GRAMD1B: variants seen among roughly 807,000 people sequenced by gnomAD.
GRAMD1B encodes the protein GRAM domain containing 1B.
In GRAMD1B, 37 loss-of-function variants were observed where a neutral mutation model predicts 99.7. That is an observed-to-expected ratio of 0.37 (90% CI 0.29 to 0.49). GRAMD1B has a LOEUF of 0.49. Ranked by LOEUF, GRAMD1B falls within the 20% of genes least tolerant of loss-of-function variation. GRAMD1B has a pLI of 0.98. For missense variants in GRAMD1B, 888 were observed against 1,009.2 expected, an observed-to-expected ratio of 0.88 and a Z score of 1.63; for synonymous variants, 427 against 387.6, an observed-to-expected ratio of 1.10 and a Z score of -1.19.
intron 1 of GRAMD1B, among the ~76,000 whole-genome samples, chr11:123,447,495 G>A (rs751284648): frequency 1.1e-4 from 17 of 152,128 alleles, no homozygotes; most frequent in Non-Finnish European, 2.2e-4. Flanking sequence ...CTCCATCTGT[G>A]GGGACAGGGT....
chr11:123,366,129 C>T (rs887862939), intron 1 of GRAMD1B, among the ~76,000 whole-genome samples: 4 of 152,196 alleles, frequency 2.6e-5, no homozygotes, highest in Admixed American at 2.0e-4. Context: ...ATAGAAAATG[C>T]TAATTTCTGG....
chr11:123,482,553 A>G (rs1331091620), intron 2 of GRAMD1B, among the ~76,000 whole-genome samples: 1 of 152,258 alleles, frequency 6.6e-6, no homozygotes, highest in East Asian at 1.9e-4. Context: ...CAAATATGAA[A>G]CAATAATATG....
intron 1 of GRAMD1B, among the ~76,000 whole-genome samples, chr11:123,360,847 G>A (rs938647862): frequency 2.4e-4 from 29 of 122,312 alleles, no homozygotes; most frequent in Admixed American, 9.0e-4. Context: ...ATGGAGTTTC[G>A]CTCTTATTGT....
chr11:123,471,802 C>G (rs114517493), intron 1 of GRAMD1B, among the ~76,000 whole-genome samples: 1,688 of 152,202 alleles, frequency 0.011, 31 homozygotes, highest in African/African-American at 0.038. Flanking sequence ...CATTTTTAAG[C>G]TTTTTAAAAA....
chr11:123,570,041 G>T (rs151216285), intron 2 of GRAMD1B, among the ~76,000 whole-genome samples: 104 of 152,324 alleles, frequency 6.8e-4, no homozygotes, highest in African/African-American at 2.4e-3. Flanking sequence ...CTACCTGGTG[G>T]ACACTGCACA....
rs1940887120 is a variant in GRAMD1B, at chr11:123,510,529, AG to A, written c.452+29641del. The stretch of plus-strand genomic sequence containing the variant: ...CTTACCCAGAAACTGAGGAAGTCCC[AG>A]GGGGCCAGAGAGTGGAAATAGGTGT... On this transcript the variant is annotated intron_variant, in intron 2 of 19. Transcript: ENST00000635736. This position sits in a 1 kb window ranked among gnomAD's most constrained non-coding sequence, Gnocchi z 4.3. Among the ~76,000 whole-genome samples the A allele has an allele frequency of 1.3e-5, 2 of 152,214 alleles. No homozygotes were observed. Among genetic ancestry groups the A allele is most frequent in the African/African-American group, 4.8e-5 (2 of 41,550 alleles).
intron 16 of GRAMD1B, among the ~76,000 whole-genome samples, chr11:123,614,359 A>G (rs1360469627): frequency 6.6e-6 from 1 of 152,212 alleles, no homozygotes; most frequent in Non-Finnish European, 1.5e-5. Context: ...ACTGACTCTC[A>G]GAGAGCTTAC....
chr11:123,364,672 G>C (rs1204411067), intron 1 of GRAMD1B, among the ~76,000 whole-genome samples: 1 of 152,138 alleles, frequency 6.6e-6, no homozygotes, highest in African/African-American at 2.4e-5. Flanking sequence ...TGGCTTCCCA[G>C]ATACAAGGCT....
At chr11:123,577,269 G>A in intron 2 of GRAMD1B, 98 bp from the exon 3 acceptor site, 1 of 996,246 alleles carries the variant, frequency 1.0e-6, no homozygotes, top group South Asian at 1.5e-5. Flanking sequence ...TCCCTGAGCT[G>A]GCTCCTTTGG....
chr11:123,441,240 TACTC>T (rs146770108), intron 1 of GRAMD1B, among the ~76,000 whole-genome samples: 1,744 of 151,946 alleles, frequency 0.011, 21 homozygotes, highest in African/African-American at 0.028. Context: ...TAAGAATGAG[TACTC>T]ACTCATTCTC....
At chr11:123,496,367 C>T (rs1565300301) in intron 2 of GRAMD1B, among the ~76,000 whole-genome samples, 1 of 151,902 alleles carries the variant, frequency 6.6e-6, no homozygotes, top group Non-Finnish European at 1.5e-5. Context: ...TTTCTTTTCT[C>T]TCGCTGCTTT....
At position 123,388,714 on chromosome 11, in the gene GRAMD1B, C is replaced by G. The variant is rs147785887; in HGVS notation, c.-176+29915C>G. Among the ~76,000 whole-genome samples the G allele has an allele frequency of 7.1e-3, 1,034 of 145,286 alleles. 15 individuals carry two copies. The highest frequency in any genetic ancestry group is 0.026 in the African/African-American group (987 of 38,488). ...ACAAACAAACAAACAAACAAACAAA[C>G]AAAGAAGAGGTCAGAGGGAGCTTTT... On this transcript the variant is annotated intron_variant, in intron 1 of 20. Transcript: ENST00000638157.
intron 2 of GRAMD1B, among the ~76,000 whole-genome samples, chr11:123,513,605 C>CTCTTT (rs1555050188): frequency 9.4e-5 from 3 of 31,772 alleles, no homozygotes; most frequent in African/African-American, 2.3e-4. Context: ...TTCCTTCCTT[C>CTCTTT]CTTCCTTCCT....
chr11:123,529,830 T>C (rs765391143), intron 2 of GRAMD1B, among the ~76,000 whole-genome samples: 3 of 152,106 alleles, frequency 2.0e-5, no homozygotes, highest in Non-Finnish European at 4.4e-5. Flanking sequence ...CTGGCCCCCA[T>C]AGGACTAGGC....
intron 1 of GRAMD1B, among the ~76,000 whole-genome samples, chr11:123,390,601 A>G (rs988008941): frequency 6.6e-6 from 1 of 152,262 alleles, no homozygotes; most frequent in Non-Finnish European, 1.5e-5. Context: ...ATAGAATTTT[A>G]TAATGGCTTT....
chr11:123,573,108 G>A (rs1236339308), intron 2 of GRAMD1B, among the ~76,000 whole-genome samples: 3 of 139,230 alleles, frequency 2.2e-5, no homozygotes, highest in Non-Finnish European at 3.1e-5. Flanking sequence ...GCTGGGGCAG[G>A]GGCGCAGGTA....
chr11:123,556,394 T>C (rs1362016178), intron 2 of GRAMD1B, among the ~76,000 whole-genome samples: 2 of 152,224 alleles, frequency 1.3e-5, no homozygotes, highest in African/African-American at 4.8e-5. Context: ...ACAAAGATTA[T>C]CAAACACAGG....
intron 2 of GRAMD1B, among the ~76,000 whole-genome samples, chr11:123,498,263 G>C (rs1815406766): frequency 6.6e-6 from 1 of 152,184 alleles, no homozygotes; most frequent in South Asian, 2.1e-4. Context: ...GTTCAAGACA[G>C]AGTGCCCTTT....
Position 123,515,802 on chromosome 11 carries a change from C to G in GRAMD1B, c.452+34909C>G, listed in dbSNP as rs185107010. Among the ~76,000 whole-genome samples, 33 of 151,076 alleles carry G rather than the reference C, an allele frequency of 2.2e-4. No homozygotes were observed. In the East Asian group the frequency reaches 4.1e-3, roughly 19 times the overall value. ...TTTTTTTTTGAGGCAGAGTCTTGCT[C>G]TGTCTCCCAGGCTGGAGTGCAGTGG... On this transcript the variant is annotated intron_variant, in intron 2 of 19. Transcript: ENST00000635736.
Sources: allele counts gnomAD v4.1 joint callset (sites outside exome capture counted in the v4.1 genomes callset), GRCh38; gene constraint gnomAD v4.1.1; non-coding constraint Gnocchi (gnomAD v3.1); transcripts MANE v1.5; gene names NCBI Gene and HGNC (gene_info 2026-07-23, HGNC 2026-07-21).